The following NEGR1 variants were observed in gnomAD, a reference collection of about 807,000 sequenced individuals.
NEGR1 encodes neuronal growth regulator 1.
NEGR1 carries 10 observed loss-of-function variants against 40.9 expected under a neutral mutation model. That is an observed-to-expected ratio of 0.24 (90% CI 0.15 to 0.42). NEGR1 has a LOEUF of 0.42. Ranked by LOEUF, NEGR1 falls within the 10% of genes least tolerant of loss-of-function variation. NEGR1 has a pLI of 1.00. For missense variants in NEGR1, 352 were observed against 438.9 expected, an observed-to-expected ratio of 0.80 and a Z score of 1.77; for synonymous variants, 185 against 166.8, an observed-to-expected ratio of 1.11 and a Z score of -0.84.
chr1:71,973,943 A>G (rs572743716), intron 1 of NEGR1, among the ~76,000 whole-genome samples: 2 of 151,656 alleles, frequency 1.3e-5, no homozygotes, highest in South Asian at 2.1e-4. Flanking sequence ...TTAGCACCTT[A>G]GGAGTCCATT....
chr1:72,143,048 A>C (rs2100338817), intron 1 of NEGR1, among the ~76,000 whole-genome samples: 1 of 152,076 alleles, frequency 6.6e-6, no homozygotes, highest in East Asian at 1.9e-4. Flanking sequence ...AAAATTTGTG[A>C]GCAATACTGT....
intron 6 of NEGR1, chr1:71,461,707 T>A (rs535177347): frequency 6.6e-6 from 1 of 152,246 alleles, no homozygotes; most frequent in South Asian, 2.1e-4. Flanking sequence ...GCAATCTACA[T>A]TTATGGCTGA....
intron 3 of NEGR1, among the ~76,000 whole-genome samples, chr1:71,707,142 T>C (rs929913977): frequency 4.6e-5 from 7 of 151,982 alleles, no homozygotes; most frequent in African/African-American, 1.5e-4. Flanking sequence ...GGGGTCTTTG[T>C]TTTGCACTTT....
chr1:71,988,389 A>G (rs1487090577), intron 1 of NEGR1, among the ~76,000 whole-genome samples: 2 of 151,774 alleles, frequency 1.3e-5, no homozygotes, highest in Non-Finnish European at 2.9e-5. Context: ...AATACAAAAA[A>G]TTAGCCGGGC....
At chr1:71,630,997 T>C (rs1291016059) in intron 4 of NEGR1, among the ~76,000 whole-genome samples, 1 of 151,918 alleles carries the variant, frequency 6.6e-6, no homozygotes, top group Admixed American at 6.6e-5. Context: ...ATAACTAGCA[T>C]GTGCATAGCG....
chr1:71,647,194 C>T (rs993964324), intron 4 of NEGR1, among the ~76,000 whole-genome samples: 3 of 151,796 alleles, frequency 2.0e-5, no homozygotes, highest in Admixed American at 6.6e-5. Flanking sequence ...CTGAGCCTAA[C>T]CCACAGGAAA....
intron 1 of NEGR1, among the ~76,000 whole-genome samples, chr1:72,210,103 A>G (rs1653545286): frequency 6.6e-6 from 1 of 151,922 alleles, no homozygotes; most frequent in South Asian, 2.1e-4. Context: ...GCAGTTCTCC[A>G]ACTGTGCTCC....
chr1:71,400,399 A>G lies in NEGR1; in HGVS notation c.*7047T>C, dbSNP rs1646238902. On this transcript the variant is annotated 3_prime_UTR_variant, in exon 7 of 7. Coordinates refer to ENST00000357731, the MANE Select transcript of NEGR1 (RefSeq NM_173808.3). ...TACTTCATTTTTCTTACTGTTTTTG[A>G]TATAAAATTCCTGTTATACCATGAA... is the stretch of plus-strand genomic sequence containing the variant. The G allele has an allele frequency of 6.6e-6, 1 of 151,976 alleles. No homozygotes were observed. The highest frequency in any genetic ancestry group is 6.6e-5 in the Admixed American group (1 of 15,244). 9.4% of individuals were successfully genotyped at this position (151,976 alleles called of 1,614,324 possible).
At chr1:72,154,356 C>G (rs184056666) in intron 1 of NEGR1, among the ~76,000 whole-genome samples, 2 of 152,032 alleles carry the variant, frequency 1.3e-5, no homozygotes, top group East Asian at 3.9e-4. Flanking sequence ...GTCTCTGGTC[C>G]ATGAATGGCT....
intron 1 of NEGR1, among the ~76,000 whole-genome samples, chr1:71,951,066 G>A (rs1383131896): frequency 6.6e-6 from 1 of 151,776 alleles, no homozygotes; most frequent in Non-Finnish European, 1.5e-5. Context: ...ACAAAAAATA[G>A]GCTATAAAAT....
At chr1:71,828,656 T>C (rs951810173) in intron 2 of NEGR1, among the ~76,000 whole-genome samples, 2 of 151,950 alleles carry the variant, frequency 1.3e-5, no homozygotes. Flanking sequence ...AAGTCCACAT[T>C]GTTTTGTCTT....
chr1:71,900,640 T>C (rs1299341274), intron 2 of NEGR1, among the ~76,000 whole-genome samples: 1 of 152,138 alleles, frequency 6.6e-6, no homozygotes, highest in Admixed American at 6.6e-5. Context: ...CCAATTAACG[T>C]AGGAAAATAA....
At chr1:72,278,684 G>C (rs992703387) in intron 1 of NEGR1, among the ~76,000 whole-genome samples, 1 of 151,788 alleles carries the variant, frequency 6.6e-6, no homozygotes, top group Non-Finnish European at 1.5e-5. Context: ...TTCTCTACTA[G>C]ATCAGCCCAT....
chr1:71,845,037 G>C (rs148547985), intron 2 of NEGR1, among the ~76,000 whole-genome samples: 1 of 152,178 alleles, frequency 6.6e-6, no homozygotes, highest in Non-Finnish European at 1.5e-5. Context: ...AAGGCAAATA[G>C]AGGTTTAATG....
intron 6 of NEGR1, among the ~76,000 whole-genome samples, chr1:71,459,342 G>A (rs183770039): frequency 6.6e-6 from 1 of 152,302 alleles, no homozygotes; most frequent in African/African-American, 2.4e-5. Context: ...AATCTGAGAT[G>A]AGAGTGATCT....
At chr1:72,039,730 G>A (rs1160574831) in intron 1 of NEGR1, among the ~76,000 whole-genome samples, 2 of 151,888 alleles carry the variant, frequency 1.3e-5, no homozygotes, top group African/African-American at 2.4e-5. Flanking sequence ...AAATACTCAA[G>A]GACTAGTTTC....
chr1:72,212,539 C>T (rs1316548009), intron 1 of NEGR1, among the ~76,000 whole-genome samples: 1 of 151,938 alleles, frequency 6.6e-6, no homozygotes, highest in Non-Finnish European at 1.5e-5. Flanking sequence ...TGAGGATATT[C>T]TTATAATCCA....
chr1:71,960,399 C>G (rs1336258916), intron 1 of NEGR1, among the ~76,000 whole-genome samples: 1 of 152,076 alleles, frequency 6.6e-6, no homozygotes, highest in Non-Finnish European at 1.5e-5. Context: ...CAAGATATAA[C>G]AAGGTATTTG....
intron 3 of NEGR1, among the ~76,000 whole-genome samples, chr1:71,770,192 A>G (rs1656267869): frequency 6.6e-6 from 1 of 152,234 alleles, no homozygotes; most frequent in Admixed American, 6.5e-5. Context: ...GATCACATGT[A>G]AAGATCTATG....
Sources: gnomAD v4.1 joint callset for allele counts (sites outside exome capture counted in the v4.1 genomes callset) on GRCh38, gnomAD v4.1.1 for gene constraint, MANE v1.5 for transcripts, NCBI Gene and HGNC (gene_info 2026-07-23, HGNC 2026-07-21) for gene names.